Variants in RFPL1 observed in about 807,000 individuals in gnomAD.
RFPL1 encodes ret finger protein-like 1.
Under a neutral mutation model 9.6 loss-of-function variants are expected in RFPL1, and 6 were observed. The ratio of observed to expected loss-of-function variants is 0.62; its 90% confidence interval spans 0.34 to 1.23. The LOEUF is 1.23. Ranked by LOEUF, RFPL1 falls within the 50% of genes most tolerant of loss-of-function variation. The pLI is 0.03. For missense variants in RFPL1, 352 were observed against 398.4 expected, an observed-to-expected ratio of 0.88 and a Z score of 0.99; for synonymous variants, 145 against 149.4, an observed-to-expected ratio of 0.97 and a Z score of 0.22.
At chr22:29,395,345 G>C in the RFPL1 span, among the ~76,000 whole-genome samples, 2 of 152,250 alleles carry the variant, frequency 1.3e-5, no homozygotes, top group Admixed American at 1.3e-4. Context: ...TTGCCACAGA[G>C]CCTTTCTAAA....
chr22:29,397,065 G>T, the RFPL1 span, among the ~76,000 whole-genome samples: 1 of 151,440 alleles, frequency 6.6e-6, no homozygotes, highest in Non-Finnish European at 1.5e-5. Flanking sequence ...CTGCCACCGC[G>T]CCCGGCTAAT....
At chr22:29,418,977 G>A in the RFPL1 span, among the ~76,000 whole-genome samples, 34 of 152,252 alleles carry the variant, frequency 2.2e-4, no homozygotes, top group African/African-American at 7.9e-4. Context: ...TCAGTGTCTG[G>A]GCTCGTGATT....
At chr22:29,412,683 G>A in the RFPL1 span, among the ~76,000 whole-genome samples, 3 of 152,138 alleles carry the variant, frequency 2.0e-5, no homozygotes, top group Non-Finnish European at 4.4e-5. Context: ...CCCCATGAAT[G>A]TTTTAATGAA....
At chr22:29,430,309 G>A in the RFPL1 span, among the ~76,000 whole-genome samples, 4 of 152,034 alleles carry the variant, frequency 2.6e-5, no homozygotes, top group Non-Finnish European at 5.9e-5. Context: ...GACTGCAGGT[G>A]CCTGACACTC....
chr22:29,424,590 A>G, the RFPL1 span, among the ~76,000 whole-genome samples: 1 of 150,742 alleles, frequency 6.6e-6, no homozygotes, highest in Non-Finnish European at 1.5e-5. Context: ...TGCTCTATCG[A>G]TGAAGGAATT....
At chr22:29,442,115 C>T in exon 2 of RFPL1, 1 of 1,525,476 alleles carries the variant, frequency 6.6e-7, no homozygotes, top group Non-Finnish European at 8.8e-7. Context: ...CCTGGGGAGG[C>T]CAAATAAGCC....
At chr22:29,423,661 A>C in the RFPL1 span, among the ~76,000 whole-genome samples, 7 of 152,222 alleles carry the variant, frequency 4.6e-5, no homozygotes, top group Non-Finnish European at 1.0e-4. Flanking sequence ...ACTCATTAGA[A>C]GCCTCATCAC....
At chr22:29,442,193 C>G (rs1399744864) in exon 2 of RFPL1, 1 of 1,168,454 alleles carries the variant, frequency 8.6e-7, no homozygotes, top group Non-Finnish European at 1.2e-6. Context: ...GAACGCTCTA[C>G]TCGGTAAAAG....
chr22:29,392,025 T>C, the RFPL1 span, among the ~76,000 whole-genome samples: 1 of 152,148 alleles, frequency 6.6e-6, no homozygotes, highest in Non-Finnish European at 1.5e-5. Context: ...CTGAAGTTCC[T>C]TTGGGTTGGA....
chr22:29,415,000 C>A, the RFPL1 span, among the ~76,000 whole-genome samples: 3 of 152,114 alleles, frequency 2.0e-5, no homozygotes, highest in Admixed American at 6.5e-5. Flanking sequence ...GAATCAAAAC[C>A]AAAACCAAAG....
At chr22:29,437,952 G>GTTT, upstream of RFPL1, 6 of 297,644 alleles carry the variant, frequency 2.0e-5, no homozygotes, top group East Asian at 2.4e-4. Context: ...AGAAGGATGT[G>GTTT]ATTTTTTTTT....
At chr22:29,414,820 T>C in the RFPL1 span, among the ~76,000 whole-genome samples, 4 of 152,076 alleles carry the variant, frequency 2.6e-5, no homozygotes, top group African/African-American at 9.7e-5. Context: ...TTTTGCTTTT[T>C]TTTTTTTTTT....
the RFPL1 span, among the ~76,000 whole-genome samples, chr22:29,415,587 G>A: frequency 6.6e-6 from 1 of 152,236 alleles, no homozygotes; most frequent in Non-Finnish European, 1.5e-5. Context: ...TCCCGGTCAG[G>A]GAACCAAGAA....
chr22:29,440,253 C>T (rs2062831629), intron 1 of RFPL1: 1 of 152,240 alleles, frequency 6.6e-6, no homozygotes, highest in Admixed American at 6.5e-5. Flanking sequence ...CCTCTTCCTC[C>T]TTCCTTGTCC....
chr22:29,394,750 G>A, the RFPL1 span, among the ~76,000 whole-genome samples: 4 of 152,166 alleles, frequency 2.6e-5, no homozygotes, highest in South Asian at 2.1e-4. Flanking sequence ...AACTCTCACC[G>A]TTCTCAATAG....
At chr22:29,387,949 G>A in the RFPL1 span, among the ~76,000 whole-genome samples, 2 of 152,192 alleles carry the variant, frequency 1.3e-5, no homozygotes, top group Non-Finnish European at 2.9e-5. Context: ...ACTTGTCTTA[G>A]AGGCTCCAAC....
At chr22:29,438,564 T>G, upstream of RFPL1, 1 of 1,387,070 alleles carries the variant, frequency 7.2e-7, no homozygotes, top group East Asian at 2.6e-5. Flanking sequence ...CCCAGCTCGC[T>G]GTTCCTCACA....
At chr22:29,430,317 C>A in the RFPL1 span, among the ~76,000 whole-genome samples, 1 of 152,116 alleles carries the variant, frequency 6.6e-6, no homozygotes, top group Non-Finnish European at 1.5e-5. Flanking sequence ...GTGCCTGACA[C>A]TCAAATATCT....
the RFPL1 span, among the ~76,000 whole-genome samples, chr22:29,431,784 C>T: frequency 5.9e-5 from 9 of 151,560 alleles, no homozygotes; most frequent in South Asian, 2.1e-4. Context: ...CTCCCGGAGA[C>T]GATTCAAGTG....
Sources: gnomAD v4.1 joint callset for allele counts (sites outside exome capture counted in the v4.1 genomes callset) on GRCh38, gnomAD v4.1.1 for gene constraint, MANE v1.5 for transcripts, NCBI Gene and HGNC (gene_info 2026-07-23, HGNC 2026-07-21) for gene names.